Variants in F2 observed in about 807,000 individuals in gnomAD.
F2 encodes the protein prothrombin.
A neutral mutation model predicts 81.9 loss-of-function variants in F2; 34 were observed. That is an observed-to-expected ratio of 0.42 (90% confidence interval 0.32 to 0.55). F2 has a LOEUF of 0.55. Among genes scored for constraint, F2 ranks in the 20% least tolerant of loss-of-function variants. F2 has a pLI of 0.18. For synonymous variants in F2, 296 were observed against 326.4 expected (o/e 0.91, Z 1.01); for missense variants, 630 against 833.4 (o/e 0.76, Z 3.00).
chr11:46,719,409 C>G lies in F2; in HGVS notation c.79+95C>G. 1 of 1,424,394 alleles carries G rather than the reference C, an allele frequency of 7.0e-7. No individual in the cohort carries two copies. The highest frequency in any genetic ancestry group is 9.7e-7 in the Non-Finnish European group (1 of 1,033,466). The allele number at this position is 1,424,394 out of a possible 1,614,324, so 88.2% of individuals were successfully genotyped here. A position where few individuals can be genotyped will look rare whatever the true frequency, so the allele number is the denominator to read the frequency against. On this transcript the variant is annotated intron_variant, in intron 1 of 13. Transcript: ENST00000311907. This position sits in a 1 kb window ranked among gnomAD's most constrained non-coding sequence, Gnocchi z 4.7. ...GGCTGGACAGAGCACACAGAGCTGG[C>G]CCCTAAGTAGGTCTCAGCCCCAGGC...
At chr11:46,739,169 G>A (rs765848328) in intron 13 of F2, 51 bp downstream of exon 13, 7 of 1,613,790 alleles carry the variant, frequency 4.3e-6, no homozygotes, top group East Asian at 2.2e-5. Flanking sequence ...CTGGGGGTGG[G>A]GAGAAACTCT....
At position 46,722,995 on chromosome 11, in the gene F2, G is replaced by A. The variant is rs561082732; in HGVS notation, c.317-185G>A. ...GCCTGTCATATGGTAGGCACTTAGC[G>A]AATATTTGGAGGCCACTGTTGAGTG... On this transcript the variant is annotated intron_variant, in intron 4 of 13. Coordinates refer to ENST00000311907, the MANE Select transcript of F2 (RefSeq NM_000506.5). The A allele has an allele frequency of 8.6e-5, 61 of 708,662 alleles. No homozygotes were observed. In the Middle Eastern group the frequency reaches 1.3e-3, roughly 16 times the overall value. 43.9% of individuals were successfully genotyped at this position (708,662 alleles called of 1,614,324 possible).
chr11:46,728,563 C>G lies in F2; in HGVS notation c.1299-101C>G. 7.3e-7 allele frequency: 1 copy of G among 1,370,226 alleles called. No individual in the cohort carries two copies. The highest frequency in any genetic ancestry group is 1.2e-5 in the South Asian group (1 of 83,848). 84.9% of individuals were successfully genotyped at this position (1,370,226 alleles called of 1,614,324 possible). ...CCAGCCCTATCCCCTCCCTGGTGGC[C>G]TGCAGGACACACTGTCTCCCAGACC... On this transcript the variant is annotated intron_variant, in intron 10 of 13. Coordinates refer to ENST00000311907, the MANE Select transcript of F2 (RefSeq NM_000506.5). The surrounding 1 kb of genome is among the most constrained non-coding windows in gnomAD (Gnocchi z 5.1).
At chr11:46,720,732 C>T in intron 3 of F2, 58 bp from the exon 4 acceptor site, 1 of 1,595,490 alleles carries the variant, frequency 6.3e-7, no homozygotes, top group South Asian at 1.1e-5. Flanking sequence ...TCCACCCTGA[C>T]TCCAGCTCAT....
chr11:46,725,830 C>G (rs1436894252), intron 6 of F2, 29 bp from the exon 7 acceptor site: 6 of 1,610,522 alleles, frequency 3.7e-6, no homozygotes, highest in Non-Finnish European at 5.1e-6. Context: ...CTCACTCACT[C>G]TGCTGCCTCC....
Position 46,728,235 on chromosome 11 carries a change from T to C in F2, c.1298+72T>C. On this transcript the variant is annotated intron_variant, in intron 10 of 13. Transcript: ENST00000311907. The surrounding 1 kb of genome is among the most constrained non-coding windows in gnomAD (Gnocchi z 5.1). ...CCAAAGCGATCATGAGGGGCCCTGG[T>C]GGCTCCGGGACACATAGGATGTTCT... 1 of 1,490,322 alleles carries C rather than the reference T, an allele frequency of 6.7e-7. No homozygotes were observed. Among genetic ancestry groups the C allele is most frequent in the Non-Finnish European group, 9.2e-7 (1 of 1,087,868 alleles). 92.3% of individuals were successfully genotyped at this position (1,490,322 alleles called of 1,614,324 possible).
Position 46,723,610 on chromosome 11 carries a change from C to G in F2, c.559+92C>G. The G allele has an allele frequency of 6.8e-7, 1 of 1,479,032 alleles. No homozygotes were observed. The highest frequency in any genetic ancestry group is 9.2e-7 in the Non-Finnish European group (1 of 1,088,990). 91.6% of individuals were successfully genotyped at this position (1,479,032 alleles called of 1,614,324 possible). On this transcript the variant is annotated intron_variant, in intron 6 of 13. Coordinates refer to ENST00000311907, the MANE Select transcript of F2 (RefSeq NM_000506.5). The surrounding 1 kb of genome is among the most constrained non-coding windows in gnomAD (Gnocchi z 5.6). ...GGATGGGAACCAAGAATACTGGCTA[C>G]CCAGGCACAGTGGCTCATGCCCGTA...
rs1004064124 is a variant in F2 at position 46,719,844 on chromosome 11, G to C, written c.222G>C (p.Leu74=). Residue 74 remains leucine (L), a synonymous_variant, in exon 2 of 14, where the codon CTG becomes CTC. Transcript: ENST00000311907. This position sits in a 1 kb window ranked among gnomAD's most constrained non-coding sequence, Gnocchi z 4.7. ...TCSYEEAFEA[L]ESSTATDVFW... ...GCTACGAGGAGGCCTTCGAGGCTCTGGAGTCCTCCACGGCTACGGTGAGCC... is the reference window on the plus strand; with the variant it reads ...GCTACGAGGAGGCCTTCGAGGCTCTCGAGTCCTCCACGGCTACGGTGAGCC... The C allele has an allele frequency of 3.8e-6, 6 of 1,574,960 alleles. No homozygotes were observed. The African/African-American group carries it at 5.4e-5, about 14-fold the overall frequency.
Position 46,726,661 on chromosome 11 carries a change from G to T in F2, c.1003+35G>T, listed in dbSNP as rs769603275. On this transcript the variant is annotated intron_variant, in intron 8 of 13. Transcript: ENST00000311907. This position sits in a 1 kb window ranked among gnomAD's most constrained non-coding sequence, Gnocchi z 5.9. ...TGGGCATCCGAGGGGATGCGGGGCT[G>T]CGGGGCTGGTGGCCAGGACTTGCCC... is the stretch of plus-strand genomic sequence containing the variant. 1.2e-6 allele frequency: 2 copies of T among 1,613,700 alleles called. No individual in the cohort carries two copies. The highest frequency in any genetic ancestry group is 3.3e-4 in the Middle Eastern group (2 of 6,062).
rs555942366 is a variant in F2, at chr11:46,725,905, C to T, written c.606C>T (p.Ser202=). 5 of 1,613,734 alleles carry T rather than the reference C, an allele frequency of 3.1e-6. No homozygotes were observed. The South Asian group carries it at 5.5e-5, about 18-fold the overall frequency. The change falls in exon 7 of 14, where the codon TCC becomes TCT. Residue 202 remains serine (S), a synonymous_variant. Transcript: ENST00000311907. ...CGATGACTCCACGCTCCGAAGGCTC[C>T]AGTGTGAATCTGTCACCTCCATTGG... ...TVAMTPRSEG[S]SVNLSPPLEQ... is the part of the protein sequence containing the mutation.
At chr11:46,736,322 C>T (rs1048320608) in intron 12 of F2, among the ~76,000 whole-genome samples, 8 of 152,228 alleles carry the variant, frequency 5.3e-5, no homozygotes, top group African/African-American at 1.7e-4. Context: ...TCTCCCTGTG[C>T]TGCCCAGGCT....
At position 46,727,702 on chromosome 11, in the gene F2, C is replaced by T. The variant is rs1028685332; in HGVS notation, c.1131-294C>T. Among the ~76,000 whole-genome samples the T allele has an allele frequency of 2.6e-5, 4 of 152,078 alleles. No individual in the cohort carries two copies. In the East Asian group the frequency reaches 7.7e-4, roughly 29 times the overall value. On this transcript the variant is annotated intron_variant, in intron 9 of 13. Coordinates refer to ENST00000311907, the MANE Select transcript of F2 (RefSeq NM_000506.5). ...CTGAGGCGGGAGGATCGCCTGAGCC[C>T]AGGAGGCTGAGGCTTCAGTAAGCTG...
At chr11:46,720,116 C>T in intron 2 of F2, 1 of 589,634 alleles carries the variant, frequency 1.7e-6, no homozygotes, top group African/African-American at 1.9e-5. Context: ...TCCACCTGCC[C>T]TGGAGCTCTG....
rs202071883 is a variant in F2, at chr11:46,720,785, T to C, written c.266-5T>C. The C allele has an allele frequency of 1.2e-6, 2 of 1,613,772 alleles. No individual in the cohort carries two copies. The highest frequency in any genetic ancestry group is 1.7e-5 in the Admixed American group (1 of 60,020). ...CCCAAAGGTAAACACCTGGGTCTTT[T>C]CCAGCTTGTGAGACAGCGAGGACGC... is the stretch of plus-strand genomic sequence containing the variant. On this transcript the variant is annotated splice_polypyrimidine_tract_variant and splice_region_variant and intron_variant, in intron 3 of 13. Transcript: ENST00000311907.
At chr11:46,729,589 A>G (rs2064898078) in intron 12 of F2, 28 bp downstream of exon 12, 1 of 1,601,550 alleles carries the variant, frequency 6.2e-7, no homozygotes. Context: ...GGGCTGAGGG[A>G]ACAGTGGGGC....
intron 12 of F2, among the ~76,000 whole-genome samples, chr11:46,729,870 G>C (rs1352974897): frequency 3.9e-5 from 6 of 152,134 alleles, no homozygotes; most frequent in Non-Finnish European, 7.3e-5. Flanking sequence ...CGCCTATCAC[G>C]TTCCAGGCAG....
intron 2 of F2, 184 bp downstream of exon 2, chr11:46,720,046 G>T (rs965209264): frequency 1.3e-6 from 1 of 791,882 alleles, no homozygotes; most frequent in African/African-American, 1.7e-5. Flanking sequence ...GGGTCTCTGT[G>T]CCTGGACTGT....
chr11:46,727,988 C>T lies in F2; in HGVS notation c.1131-8C>T. 1 of 1,605,918 alleles carries T rather than the reference C, an allele frequency of 6.2e-7. No homozygotes were observed. The highest frequency in any genetic ancestry group is 1.1e-5 in the South Asian group (1 of 89,552). ...TCAGCTCCTAATGCTTCCTGCTGCCCCTCCCAGGCAGGTGATGCTTTTCCG... is the reference window on the plus strand; with the variant it reads ...TCAGCTCCTAATGCTTCCTGCTGCCTCTCCCAGGCAGGTGATGCTTTTCCG... On this transcript the variant is annotated splice_polypyrimidine_tract_variant and splice_region_variant and intron_variant, in intron 9 of 13. Coordinates refer to ENST00000311907, the MANE Select transcript of F2 (RefSeq NM_000506.5).
intron 6 of F2, 69 bp from the exon 7 acceptor site, chr11:46,725,790 C>T (rs2064867633): frequency 1.9e-6 from 3 of 1,540,466 alleles, no homozygotes; most frequent in Non-Finnish European, 1.8e-6. Context: ...CCGGGGTTCA[C>T]ACCCCTGTCT....
Sources: allele counts gnomAD v4.1 joint callset (sites outside exome capture counted in the v4.1 genomes callset), GRCh38; gene constraint gnomAD v4.1.1; non-coding constraint Gnocchi (gnomAD v3.1); transcripts MANE v1.5; gene names NCBI Gene and HGNC (gene_info 2026-07-23, HGNC 2026-07-21).